SRP72: variants seen among roughly 807,000 people sequenced by gnomAD.
The protein encoded by SRP72 is signal recognition particle 72.
A neutral mutation model predicts 96.3 loss-of-function variants in SRP72; 49 were observed. The observed-to-expected ratio is 0.51, with a 90% CI of 0.40 to 0.65. SRP72 has a LOEUF of 0.65. SRP72 is among the 30% of genes least tolerant of loss of function. The probability of loss-of-function intolerance (pLI) is 0.00; values close to 1 mark genes in which losing one functional copy is unlikely to be tolerated. For synonymous variants in SRP72, 267 were observed against 275.2 expected, an observed-to-expected ratio of 0.97 and a Z score of 0.30; for missense variants, 736 against 793.3, an observed-to-expected ratio of 0.93 and a Z score of 0.87.
intron 9 of SRP72, 54 bp from the exon 10 acceptor site, chr4:56,484,682 T>TG: frequency 6.2e-7 from 1 of 1,604,044 alleles, no homozygotes; most frequent in African/African-American, 1.3e-5. Flanking sequence ...GGTCATTTAG[T>TG]GTTTAATTTC....
intron 8 of SRP72, among the ~76,000 whole-genome samples, chr4:56,480,410 C>T (rs1434362406): frequency 1.3e-5 from 2 of 152,126 alleles, no homozygotes; most frequent in Non-Finnish European, 2.9e-5. Context: ...CAGTCACGTG[C>T]CACCACACCC....
At chr4:56,476,591 T>C in intron 5 of SRP72, 80 bp from the exon 6 acceptor site, 1 of 1,460,184 alleles carries the variant, frequency 6.8e-7, no homozygotes. Context: ...GCTTAGGAAT[T>C]TAGATCTTGC....
intron 12 of SRP72, chr4:56,489,056 C>T (rs1174544869): frequency 5.5e-6 from 1 of 180,536 alleles, no homozygotes; most frequent in Non-Finnish European, 1.2e-5. Flanking sequence ...CCTCACTGAT[C>T]ATACACTTAA....
At chr4:56,500,389 G>T in intron 17 of SRP72, 147 bp from the exon 18 acceptor site, 1 of 823,206 alleles carries the variant, frequency 1.2e-6, no homozygotes. Flanking sequence ...AGACCATTTC[G>T]CCTGCTAGAT....
chr4:56,475,947 T>G (rs971121520), intron 5 of SRP72: 10 of 152,196 alleles, frequency 6.6e-5, no homozygotes, highest in African/African-American at 2.4e-4. Context: ...TGGCTAAATT[T>G]TACCATAATC....
At chr4:56,476,842 A>C (rs1397209689) in intron 6 of SRP72, 140 bp downstream of exon 6, 1 of 787,232 alleles carries the variant, frequency 1.3e-6, no homozygotes, top group Non-Finnish European at 2.0e-6. Context: ...ACCACCCTCT[A>C]GTATCAGTTA....
intron 6 of SRP72, chr4:56,476,954 T>C (rs974929920): frequency 7.0e-6 from 3 of 429,896 alleles, no homozygotes; most frequent in Non-Finnish European, 1.2e-5. Context: ...TATTCCCCCA[T>C]TTTAGGATGT....
chr4:56,490,442 C>G lies in SRP72; in HGVS notation c.1424+6C>G. ...GACCTACAACAGCTGTGGAAGTAAG[C>G]TCTGAAACGTGGAGTTGTAGAAATA... On this transcript the variant is annotated splice_donor_region_variant and intron_variant, in intron 14 of 18. Coordinates refer to ENST00000642900, the MANE Select transcript of SRP72 (RefSeq NM_006947.4). 1 of 1,612,618 alleles carries G rather than the reference C, an allele frequency of 6.2e-7. No individual in the cohort carries two copies. Among genetic ancestry groups the G allele is most frequent in the Non-Finnish European group, 8.5e-7 (1 of 1,179,306 alleles).
chr4:56,483,048 C>A, intron 8 of SRP72, 91 bp from the exon 9 acceptor site: 1 of 1,203,204 alleles, frequency 8.3e-7, no homozygotes, highest in Non-Finnish European at 1.2e-6. Context: ...TAGATTCAAG[C>A]TCTCCTGCTG....
At chr4:56,477,070 T>C (rs1435113487) in intron 6 of SRP72, 1 of 175,796 alleles carries the variant, frequency 5.7e-6, no homozygotes, top group African/African-American at 2.4e-5. Context: ...GTTTTTCTTT[T>C]TAAGTGTAAC....
At position 56,486,331 on chromosome 4, in the gene SRP72, T is replaced by C; in HGVS notation, c.1093T>C (p.Ser365Pro). 6.2e-7 allele frequency: 1 copy of C among 1,603,264 alleles called. No homozygotes were observed. The highest frequency in any genetic ancestry group is 8.5e-7 in the Non-Finnish European group (1 of 1,173,350). ...TKAIELLQEF[S>P]DQHPENAAEI... ...CCAAACTAAAAAAATTTAGGAATTTTCAGATCAGCATCCAGAAAATGCAGC... is the reference window on the plus strand; with the variant it reads ...CCAAACTAAAAAAATTTAGGAATTTCCAGATCAGCATCCAGAAAATGCAGC... The change falls in exon 11 of 19, where the codon TCA (serine) becomes CCA (proline). Residue 365 changes from serine (S) to proline (P), a missense_variant. Physicochemically the swap from Ser to Pro is moderately conservative, Grantham distance 74. This residue lies in a region of SRP72 where 388 missense variants were observed against 431.8 expected (regional missense o/e 0.90). Transcript: ENST00000642900.
Position 56,495,378 on chromosome 4 carries a change from GA to G in SRP72, c.1667del (p.Lys556ArgfsTer64). 1 of 1,488,794 alleles carries G rather than the reference GA, an allele frequency of 6.7e-7. No individual in the cohort carries two copies. 92.2% of individuals were successfully genotyped at this position (1,488,794 alleles called of 1,614,324 possible). ...EQGQGDLKKKKKKKKGKLPKN... is the reference protein window; with the variant it reads ...EQGQGDLKKKXKKKKGKLPKN... The stretch of plus-strand genomic sequence containing the variant: ...GTAGACAGGGAGATTTGAAAAAGAA[GA>G]AAAAGAAAAAGAAGGGTAAGGCATT... On this transcript the variant is annotated frameshift_variant, in exon 17 of 19. Coordinates refer to ENST00000642900, the MANE Select transcript of SRP72 (RefSeq NM_006947.4). LOFTEE classifies it high-confidence loss of function.
intron 2 of SRP72, 68 bp downstream of exon 2, chr4:56,469,841 G>T: frequency 1.5e-6 from 2 of 1,362,518 alleles, no homozygotes; most frequent in Non-Finnish European, 1.9e-6. Flanking sequence ...TCTCTTCCAT[G>T]TTTTTTCCCA....
intron 11 of SRP72, among the ~76,000 whole-genome samples, chr4:56,487,594 T>C (rs552418285): frequency 1.3e-5 from 2 of 152,260 alleles, no homozygotes; most frequent in East Asian, 3.9e-4. Flanking sequence ...CAGTAACATA[T>C]TTCAAGGCCT....
chr4:56,484,180 C>G (rs1470932868), intron 9 of SRP72, among the ~76,000 whole-genome samples: 4 of 151,434 alleles, frequency 2.6e-5, no homozygotes, highest in Admixed American at 6.6e-5. Flanking sequence ...ACTACAGGCG[C>G]CCAGCACCAC....
At position 56,500,360 on chromosome 4, in the gene SRP72, TATA is replaced by T. The variant is rs559818544; in HGVS notation, c.1679-170_1679-168del. On this transcript the variant is annotated intron_variant, in intron 17 of 18. Coordinates refer to ENST00000642900, the MANE Select transcript of SRP72 (RefSeq NM_006947.4). Reference sequence around the variant, plus strand: ...TGCGCATGTATCCCAGAACTTAAAGTATAATAATTTAAAAAAAAAGACCATTTC... The same window carrying T: ...TGCGCATGTATCCCAGAACTTAAAGTATAATTTAAAAAAAAAGACCATTTC... 262 of 641,440 alleles carry T rather than the reference TATA, an allele frequency of 4.1e-4. 2 individuals are homozygous for T. In the South Asian group the frequency reaches 5.4e-3, roughly 13 times the overall value. 39.7% of individuals were successfully genotyped at this position (641,440 alleles called of 1,614,324 possible).
intron 9 of SRP72, among the ~76,000 whole-genome samples, 175 bp downstream of exon 9, chr4:56,483,445 G>T (rs1720578627): frequency 1.3e-5 from 2 of 152,050 alleles, no homozygotes; most frequent in African/African-American, 4.8e-5. Context: ...GGGCACAATG[G>T]CTCATGCCTG....
chr4:56,478,419 T>C lies in SRP72; in HGVS notation c.683T>C (p.Ile228Thr). The change falls in exon 7 of 19, where the codon ATT (isoleucine) becomes ACT (threonine). Residue 228 changes from isoleucine to threonine, a missense_variant. Physicochemically the swap from Ile to Thr is moderately conservative, Grantham distance 89. Coordinates refer to ENST00000642900, the MANE Select transcript of SRP72 (RefSeq NM_006947.4). ...GACCCACAGGCAGAACTGGCCATCA[T>C]TCATGGTCAGATGGCTTATATTCTG... ...EEDPQAELAI[I>T]HGQMAYILQL... 3.7e-6 allele frequency: 6 copies of C among 1,612,998 alleles called. No individual in the cohort carries two copies. The South Asian group carries it at 4.4e-5, about 12-fold the overall frequency.
chr4:56,502,034 T>TAC lies in SRP72; in HGVS notation c.*173_*174insAC. ...TCCTCAAAGTCTGCCTAGTGAGATA[T>TAC]GGCCTACTGGTTGCCTCATAGCTTT... On this transcript the variant is annotated 3_prime_UTR_variant, in exon 19 of 19. Transcript: ENST00000642900. 4.4e-6 allele frequency: 3 copies of TAC among 682,624 alleles called. No individual in the cohort carries two copies. The South Asian group carries it at 5.8e-5, about 13-fold the overall frequency. 42.3% of individuals were successfully genotyped at this position (682,624 alleles called of 1,614,324 possible). A position where few individuals can be genotyped will look rare whatever the true frequency, so the allele number is the denominator to read the frequency against.
Sources: allele counts gnomAD v4.1 joint callset (sites outside exome capture counted in the v4.1 genomes callset), GRCh38; gene constraint gnomAD v4.1.1; regional missense constraint gnomAD v4.1.1; transcripts MANE v1.5; gene names NCBI Gene and HGNC (gene_info 2026-07-23, HGNC 2026-07-21).